CNTNAP5: variants seen among roughly 807,000 people sequenced by gnomAD.
CNTNAP5 encodes contactin-associated protein-like 5.
In CNTNAP5, 72 loss-of-function variants were observed where a neutral mutation model predicts 150.2. That is an observed-to-expected ratio of 0.48 (90% CI 0.40 to 0.58). CNTNAP5 has a LOEUF of 0.58. CNTNAP5 is among the 20% of genes least tolerant of loss of function. The pLI is 0.00. For missense variants in CNTNAP5, 1,636 were observed against 1,626.2 expected, an observed-to-expected ratio of 1.01 and a Z score of -0.10; for synonymous variants, 672 against 619.8, an observed-to-expected ratio of 1.08 and a Z score of -1.25.
At chr2:124,854,892 T>A (rs535856606) in intron 19 of CNTNAP5, among the ~76,000 whole-genome samples, 145 of 152,294 alleles carry the variant, frequency 9.5e-4, no homozygotes, top group African/African-American at 3.3e-3. Context: ...CTGGGTCACA[T>A]GGACTGGGTC....
At chr2:124,055,001 C>A (rs910044878) in intron 1 of CNTNAP5, among the ~76,000 whole-genome samples, 5 of 152,116 alleles carry the variant, frequency 3.3e-5, no homozygotes, top group Admixed American at 3.3e-4. Context: ...GGGTGGGAGT[C>A]TGGGCTCTCA....
chr2:124,270,199 C>T (rs1472832430), intron 3 of CNTNAP5, among the ~76,000 whole-genome samples: 6 of 151,960 alleles, frequency 3.9e-5, no homozygotes, highest in Non-Finnish European at 7.4e-5. Flanking sequence ...ATCCCAGCTA[C>T]TCAGGAGGCT....
intron 8 of CNTNAP5, among the ~76,000 whole-genome samples, chr2:124,518,833 A>T (rs2104880356): frequency 6.6e-6 from 1 of 151,752 alleles, no homozygotes; most frequent in African/African-American, 2.4e-5. Flanking sequence ...CTAAAAATAC[A>T]AAAAAATTAC....
At chr2:124,377,547 C>A (rs1041595092) in intron 3 of CNTNAP5, among the ~76,000 whole-genome samples, 1 of 151,684 alleles carries the variant, frequency 6.6e-6, no homozygotes, top group East Asian at 1.9e-4. Flanking sequence ...TGGTGGCATG[C>A]GCCTGTAATC....
intron 8 of CNTNAP5, among the ~76,000 whole-genome samples, chr2:124,516,169 G>A (rs1362549896): frequency 6.6e-6 from 1 of 152,152 alleles, no homozygotes; most frequent in Non-Finnish European, 1.5e-5. Context: ...AGTGTGCCAG[G>A]AAAACATAAC....
At position 124,772,842 on chromosome 2, in the gene CNTNAP5, T is replaced by C; in HGVS notation, c.2577T>C (p.Pro859=). ...ITFAIDVGNG[P]VELVVQSPSL... is the part of the protein sequence containing the mutation. ...TTGCCATCGATGTTGGGAATGGTCC[T>C]GTGGAGCTTGTAGTCCAGTCTCCTT... Residue 859 remains proline, a synonymous_variant, in exon 17 of 24, where the codon CCT becomes CCC. Transcript: ENST00000682447. 2 of 1,613,766 alleles carry C rather than the reference T, an allele frequency of 1.2e-6. No homozygotes were observed. The highest frequency in any genetic ancestry group is 1.1e-5 in the South Asian group (1 of 91,084).
At chr2:124,501,069 G>A (rs2104859847) in intron 7 of CNTNAP5, among the ~76,000 whole-genome samples, 1 of 152,158 alleles carries the variant, frequency 6.6e-6, no homozygotes, top group East Asian at 1.9e-4. Flanking sequence ...AAGATATAGG[G>A]AGGAAAAAAA....
rs1005726632 is a variant in CNTNAP5 at position 124,914,506 on chromosome 2, G to A, written c.*218G>A. 13 of 524,656 alleles carry A rather than the reference G, an allele frequency of 2.5e-5. No homozygotes were observed. The highest frequency in any genetic ancestry group is 3.1e-5 in the Non-Finnish European group (9 of 290,424). The allele number at this position is 524,656 out of a possible 1,614,324, so 32.5% of individuals were successfully genotyped here. ...TTCCTCTCTGATGAACCTATCGGGT[G>A]AAAACGACCACTCAAGAGACTGACT... On this transcript the variant is annotated 3_prime_UTR_variant, in exon 24 of 24. Transcript: ENST00000682447.
chr2:124,695,671 T>G (rs1573553258), intron 13 of CNTNAP5, among the ~76,000 whole-genome samples: 1 of 152,264 alleles, frequency 6.6e-6, no homozygotes, highest in Non-Finnish European at 1.5e-5. Context: ...TCTGTGTTAA[T>G]CGAAAGGAAT....
chr2:124,059,428 G>A lies in CNTNAP5; in HGVS notation c.82+33696G>A, dbSNP rs555790658. Among the ~76,000 whole-genome samples, 7 of 152,232 alleles carry A rather than the reference G, an allele frequency of 4.6e-5. No individual in the cohort carries two copies. In the South Asian group the frequency reaches 1.5e-3, roughly 32 times the overall value. ...TCTGCCCAAAGGAAAACTAAATGCT[G>A]AATGGGCTCAGCATTTCAAGTCAAA... On this transcript the variant is annotated intron_variant, in intron 1 of 23. Coordinates refer to ENST00000682447, the MANE Select transcript of CNTNAP5 (RefSeq NM_001367498.1).
chr2:124,283,119 T>C (rs1688057606), intron 3 of CNTNAP5, among the ~76,000 whole-genome samples: 1 of 152,168 alleles, frequency 6.6e-6, no homozygotes, highest in Non-Finnish European at 1.5e-5. Context: ...CAAATCTTTT[T>C]TCCACTGTAT....
intron 14 of CNTNAP5, among the ~76,000 whole-genome samples, chr2:124,753,588 T>C (rs1488003859): frequency 6.6e-6 from 1 of 152,218 alleles, no homozygotes; most frequent in Non-Finnish European, 1.5e-5. Flanking sequence ...TATGCCCGGA[T>C]TATTTCATTT....
At chr2:124,471,168 G>A (rs1305502384) in intron 6 of CNTNAP5, among the ~76,000 whole-genome samples, 1 of 152,058 alleles carries the variant, frequency 6.6e-6, no homozygotes, top group African/African-American at 2.4e-5. Flanking sequence ...GGGCAGTATG[G>A]CCATTTTCAC....
intron 3 of CNTNAP5, among the ~76,000 whole-genome samples, chr2:124,244,399 A>C (rs1686965844): frequency 6.6e-6 from 1 of 152,112 alleles, no homozygotes; most frequent in Admixed American, 6.6e-5. Context: ...CCTGAATTGA[A>C]GGGTGGGGGC....
intron 1 of CNTNAP5, 64 bp downstream of exon 1, chr2:124,025,796 C>A: frequency 1.5e-6 from 2 of 1,292,274 alleles, no homozygotes; most frequent in South Asian, 1.2e-5. Context: ...GAAAGACAAT[C>A]AACTATCTAA....
chr2:124,768,369 G>C (rs1254444905), intron 16 of CNTNAP5, among the ~76,000 whole-genome samples: 1 of 148,190 alleles, frequency 6.7e-6, no homozygotes, highest in Non-Finnish European at 1.5e-5. Context: ...AAGAGAGAAA[G>C]ATTTAACTTT....
chr2:124,357,950 T>G (rs1184147721), intron 3 of CNTNAP5, among the ~76,000 whole-genome samples: 4 of 150,812 alleles, frequency 2.7e-5, no homozygotes, highest in African/African-American at 9.7e-5. Context: ...CATGGAATGT[T>G]CTTCCATTTG....
chr2:124,306,063 C>T (rs1397068187), intron 3 of CNTNAP5, among the ~76,000 whole-genome samples: 3 of 152,142 alleles, frequency 2.0e-5, no homozygotes, highest in Non-Finnish European at 1.5e-5. Flanking sequence ...TCCTTAGCAT[C>T]TTTTATTAGT....
chr2:124,638,345 T>C (rs548289133), intron 12 of CNTNAP5, among the ~76,000 whole-genome samples: 1 of 152,070 alleles, frequency 6.6e-6, no homozygotes, highest in Non-Finnish European at 1.5e-5. Flanking sequence ...TTCAGCAATA[T>C]CACATCAATA....
Sources: allele counts gnomAD v4.1 joint callset (sites outside exome capture counted in the v4.1 genomes callset), GRCh38; gene constraint gnomAD v4.1.1; transcripts MANE v1.5; gene names NCBI Gene and HGNC (gene_info 2026-07-23, HGNC 2026-07-21).